The following MRPS28 variants were observed in gnomAD, a reference collection of about 807,000 sequenced individuals.
MRPS28 encodes the protein mitochondrial ribosomal protein S28.
A neutral mutation model predicts 10.8 loss-of-function variants in MRPS28; 7 were observed. The observed-to-expected ratio is 0.65, with a 90% CI of 0.37 to 1.22. MRPS28 has a LOEUF of 1.22. Among genes scored for constraint, MRPS28 ranks in the 50% most tolerant of loss-of-function variants. The pLI is 0.02. For missense variants in MRPS28, 265 were observed against 232.9 expected, an observed-to-expected ratio of 1.14 and a Z score of -0.90; for synonymous variants, 121 against 93.3, an observed-to-expected ratio of 1.30 and a Z score of -1.71.
At chr8:80,021,844 G>A (rs1047890135) in intron 1 of MRPS28, among the ~76,000 whole-genome samples, 2 of 152,112 alleles carry the variant, frequency 1.3e-5, no homozygotes, top group South Asian at 2.1e-4. Flanking sequence ...AATACATAGA[G>A]AGCCCCTGCA....
intron 2 of MRPS28, among the ~76,000 whole-genome samples, chr8:79,995,723 G>C (rs1328390943): frequency 6.6e-6 from 1 of 152,180 alleles, no homozygotes; most frequent in Non-Finnish European, 1.5e-5. Context: ...AAGGAGTTTA[G>C]GAGCTGTCAG....
chr8:79,938,387 G>A (rs1319998553), intron 2 of MRPS28, among the ~76,000 whole-genome samples: 1 of 150,212 alleles, frequency 6.7e-6, no homozygotes, highest in Non-Finnish European at 1.5e-5. Flanking sequence ...AAACAGTAGA[G>A]GTAGGATTCC....
chr8:79,921,105 T>A (rs1451914870), intron 2 of MRPS28, among the ~76,000 whole-genome samples: 1 of 152,186 alleles, frequency 6.6e-6, no homozygotes, highest in Non-Finnish European at 1.5e-5. Context: ...GTTGTAGATA[T>A]GAGGCATTAT....
intron 2 of MRPS28, among the ~76,000 whole-genome samples, chr8:79,950,553 CAT>C (rs764514551): frequency 2.5e-4 from 38 of 152,278 alleles, no homozygotes; most frequent in Admixed American, 1.2e-3. Context: ...CAAACACACA[CAT>C]ATACACACAC....
chr8:80,003,109 T>A lies in MRPS28; in HGVS notation c.285A>T (p.Ala95=), dbSNP rs1304400967. The A allele has an allele frequency of 6.2e-7, 1 of 1,613,514 alleles. No homozygotes were observed. The highest frequency in any genetic ancestry group is 8.5e-7 in the Non-Finnish European group (1 of 1,179,808). Residue 95 remains alanine (A), a synonymous_variant, in exon 2 of 3, where the codon GCA becomes GCT. Coordinates refer to ENST00000276585, the MANE Select transcript of MRPS28 (RefSeq NM_014018.3). ...TCCGTCCAATGACCAGTTTATCCTTTGCAGGTCCCATCTGTGTAAGAGGAG... is the reference window on the plus strand; with the variant it reads ...TCCGTCCAATGACCAGTTTATCCTTAGCAGGTCCCATCTGTGTAAGAGGAG... The part of the protein sequence containing the change: ...RHSPLTQMGP[A]KDKLVIGRIF...
intron 2 of MRPS28, among the ~76,000 whole-genome samples, chr8:79,993,962 G>A (rs531670730): frequency 5.9e-5 from 9 of 152,240 alleles, no homozygotes; most frequent in African/African-American, 2.2e-4. Flanking sequence ...AAGATTCAGT[G>A]CACGTGCCAG....
Position 79,974,307 on chromosome 8 carries a change from G to A in MRPS28, c.395+28692C>T, listed in dbSNP as rs185031918. 7.0e-3 allele frequency among the ~76,000 whole-genome samples: 1,072 copies of A among 152,160 alleles called. 6 individuals are homozygous for A. The highest frequency in any genetic ancestry group is 0.012 in the South Asian group (59 of 4,820). ...TGTTATCCCAGAACTTTGGGAGGCCGAGGTGGATGGATCACGAGGTCAGGA... is the reference window on the plus strand; with the variant it reads ...TGTTATCCCAGAACTTTGGGAGGCCAAGGTGGATGGATCACGAGGTCAGGA... On this transcript the variant is annotated intron_variant, in intron 2 of 2. Transcript: ENST00000276585.
At chr8:80,009,570 C>G (rs935981975) in intron 1 of MRPS28, among the ~76,000 whole-genome samples, 1 of 151,718 alleles carries the variant, frequency 6.6e-6, no homozygotes, top group Non-Finnish European at 1.5e-5. Context: ...GAGCCGAGAT[C>G]ACGCCATTTC....
At chr8:79,977,297 T>C (rs1213188130) in intron 2 of MRPS28, among the ~76,000 whole-genome samples, 3 of 152,178 alleles carry the variant, frequency 2.0e-5, no homozygotes, top group Admixed American at 2.0e-4. Context: ...AGCTTCTTTA[T>C]GAAAATGCAT....
At chr8:79,949,583 T>C (rs1305359870) in intron 2 of MRPS28, among the ~76,000 whole-genome samples, 1 of 152,220 alleles carries the variant, frequency 6.6e-6, no homozygotes, top group Non-Finnish European at 1.5e-5. Flanking sequence ...ACTTGCATTC[T>C]ACCTTTCCAG....
intron 2 of MRPS28, among the ~76,000 whole-genome samples, chr8:79,986,334 A>G (rs184542919): frequency 3.3e-4 from 50 of 152,328 alleles, no homozygotes; most frequent in African/African-American, 1.1e-3. Flanking sequence ...AATGGGCAAA[A>G]ACTGGAAGCA....
At chr8:79,934,808 GAAAC>G (rs1806560643) in intron 2 of MRPS28, among the ~76,000 whole-genome samples, 1 of 152,086 alleles carries the variant, frequency 6.6e-6, no homozygotes, top group African/African-American at 2.4e-5. Context: ...AGTGGGTTAA[GAAAC>G]AACCTGATTA....
chr8:79,962,855 T>A (rs1051455936), intron 2 of MRPS28, among the ~76,000 whole-genome samples: 8 of 152,146 alleles, frequency 5.3e-5, no homozygotes, highest in Non-Finnish European at 1.0e-4. Flanking sequence ...CTGGGACTAA[T>A]TTATTCAAAT....
At chr8:79,964,865 A>G (rs943913586) in intron 2 of MRPS28, among the ~76,000 whole-genome samples, 1 of 151,992 alleles carries the variant, frequency 6.6e-6, no homozygotes, top group African/African-American at 2.4e-5. Context: ...CAGAACCATC[A>G]CCAGCCCTAC....
intron 2 of MRPS28, chr8:79,958,525 A>G (rs1807287503): frequency 3.5e-6 from 2 of 568,216 alleles, no homozygotes; most frequent in East Asian, 3.1e-5. Context: ...GTACACTAAC[A>G]ATTTTTTAAA....
chr8:80,020,383 C>A (rs191302828), intron 1 of MRPS28, among the ~76,000 whole-genome samples: 151 of 152,266 alleles, frequency 9.9e-4, no homozygotes, highest in African/African-American at 3.0e-3. Context: ...AACTTTGGAA[C>A]GCCCTTGGCT....
intron 2 of MRPS28, among the ~76,000 whole-genome samples, chr8:79,941,953 T>TA (rs1003702066): frequency 3.3e-5 from 5 of 152,170 alleles, no homozygotes; most frequent in Non-Finnish European, 7.4e-5. Context: ...CTGTGAAAGG[T>TA]AAAGCATAGT....
chr8:79,999,698 G>GT (rs1808607515), intron 2 of MRPS28, among the ~76,000 whole-genome samples: 2 of 152,294 alleles, frequency 1.3e-5, no homozygotes, highest in African/African-American at 4.8e-5. Flanking sequence ...AGCCGTAAGG[G>GT]TATGTACATA....
At chr8:79,973,549 C>T (rs1357622049) in intron 2 of MRPS28, among the ~76,000 whole-genome samples, 1 of 152,122 alleles carries the variant, frequency 6.6e-6, no homozygotes, top group Non-Finnish European at 1.5e-5. Context: ...AATTCCTGGC[C>T]TCAACAGATC....
Sources: allele counts gnomAD v4.1 joint callset (sites outside exome capture counted in the v4.1 genomes callset), GRCh38; gene constraint gnomAD v4.1.1; transcripts MANE v1.5; gene names NCBI Gene and HGNC (gene_info 2026-07-23, HGNC 2026-07-21).